The following YEATS4 variants were observed in gnomAD, a reference collection of about 807,000 sequenced individuals.
YEATS4 encodes the protein YEATS domain-containing protein 4.
YEATS4 carries 17 observed loss-of-function variants against 30.1 expected under a neutral mutation model. That is an observed-to-expected ratio of 0.56 (90% confidence interval 0.39 to 0.85). The LOEUF (loss-of-function observed/expected upper bound fraction) is 0.85. Among genes scored for constraint, YEATS4 ranks in the 40% least tolerant of loss-of-function variants. YEATS4 has a pLI of 0.00. For synonymous variants in YEATS4, 85 were observed against 87.5 expected, an observed-to-expected ratio of 0.97 and a Z score of 0.16; for missense variants, 142 against 268.3, an observed-to-expected ratio of 0.53 and a Z score of 3.29.
intron 6 of YEATS4, among the ~76,000 whole-genome samples, chr12:69,377,467 A>G (rs1875913095): frequency 1.3e-5 from 2 of 151,476 alleles, no homozygotes. Flanking sequence ...CGCTGTGTTT[A>G]CCAGGCTGGT....
chr12:69,363,120 G>A (rs1240092610), intron 2 of YEATS4, among the ~76,000 whole-genome samples: 3 of 150,818 alleles, frequency 2.0e-5, no homozygotes, highest in African/African-American at 7.3e-5. Context: ...AGCCTCCCGA[G>A]TAGCTGGGAC....
At chr12:69,361,774 C>T (rs1218582998) in intron 1 of YEATS4, among the ~76,000 whole-genome samples, 1 of 152,164 alleles carries the variant, frequency 6.6e-6, no homozygotes, top group Non-Finnish European at 1.5e-5. Context: ...TCTGTCAATA[C>T]GCACTGCCTT....
chr12:69,409,645 A>G, the YEATS4 span, among the ~76,000 whole-genome samples: 1 of 151,946 alleles, frequency 6.6e-6, no homozygotes, highest in African/African-American at 2.4e-5. Context: ...TATATATATT[A>G]ACATGCTTCT....
rs768231765 is a variant in YEATS4 at position 69,362,910 on chromosome 12, A to G, written c.171+3A>G. 2.4e-5 allele frequency: 37 copies of G among 1,513,094 alleles called. No homozygotes were observed. The highest frequency in any genetic ancestry group is 2.7e-6 in the Non-Finnish European group (3 of 1,125,994). The allele number at this position is 1,513,094 out of a possible 1,614,324, so 93.7% of individuals were successfully genotyped here. On this transcript the variant is annotated splice_donor_region_variant and intron_variant, in intron 2 of 6. Coordinates refer to ENST00000247843, the MANE Select transcript of YEATS4 (RefSeq NM_006530.4). ...ATGTGAAACCATATAGAAATGAGGTAGGCACTCGTTTTTTCTGTAACTGTT... is the reference window on the plus strand; with the variant it reads ...ATGTGAAACCATATAGAAATGAGGTGGGCACTCGTTTTTTCTGTAACTGTT...
chr12:69,407,157 T>C, the YEATS4 span, among the ~76,000 whole-genome samples: 2 of 148,762 alleles, frequency 1.3e-5, no homozygotes, highest in Non-Finnish European at 1.5e-5. Flanking sequence ...TTTTTTTTTC[T>C]AGAATCAAGA....
At chr12:69,389,450 CAAA>C (rs11333279) in intron 6 of YEATS4, among the ~76,000 whole-genome samples, 9 of 99,446 alleles carry the variant, frequency 9.1e-5, no homozygotes, top group Admixed American at 1.2e-4. Flanking sequence ...GACTCCATCT[CAAA>C]AAAAAAAAAA....
At chr12:69,374,471 G>C (rs1875765051) in intron 6 of YEATS4, among the ~76,000 whole-genome samples, 1 of 151,848 alleles carries the variant, frequency 6.6e-6, no homozygotes, top group Admixed American at 6.6e-5. Flanking sequence ...GGATTTGGCA[G>C]GATCATAGGA....
intron 6 of YEATS4, among the ~76,000 whole-genome samples, chr12:69,388,849 C>G (rs1592861611): frequency 6.6e-6 from 1 of 152,188 alleles, no homozygotes; most frequent in East Asian, 1.9e-4. Flanking sequence ...GTAATCCCAG[C>G]TGCTTGGGAA....
At chr12:69,381,477 C>T (rs1376940639) in intron 6 of YEATS4, among the ~76,000 whole-genome samples, 1 of 152,098 alleles carries the variant, frequency 6.6e-6, no homozygotes, top group Non-Finnish European at 1.5e-5. Context: ...GCAGTTAACG[C>T]AATCATCACA....
At chr12:69,389,046 T>C (rs1274743993) in intron 6 of YEATS4, among the ~76,000 whole-genome samples, 1 of 152,224 alleles carries the variant, frequency 6.6e-6, no homozygotes, top group Non-Finnish European at 1.5e-5. Context: ...TGAAATAGCT[T>C]ACAGTGTCAC....
At chr12:69,403,599 AG>A in the YEATS4 span, among the ~76,000 whole-genome samples, 2 of 151,810 alleles carry the variant, frequency 1.3e-5, no homozygotes, top group East Asian at 1.9e-4. Flanking sequence ...AAAGAAAAAA[AG>A]AGGGGGCAGA....
chr12:69,371,085 T>C (rs1011724766), intron 6 of YEATS4, 110 bp downstream of exon 6: 7 of 1,069,280 alleles, frequency 6.5e-6, no homozygotes, highest in East Asian at 2.6e-5. Context: ...GTAAGTTTTT[T>C]AGGTGTTAAA....
the YEATS4 span, among the ~76,000 whole-genome samples, chr12:69,405,187 C>G: frequency 3.9e-5 from 6 of 152,266 alleles, no homozygotes; most frequent in Admixed American, 6.5e-5. Flanking sequence ...TAGTTCCCAC[C>G]CTTATCTGTG....
At chr12:69,367,939 G>T (rs911941953) in intron 4 of YEATS4, among the ~76,000 whole-genome samples, 12 of 152,090 alleles carry the variant, frequency 7.9e-5, no homozygotes, top group South Asian at 2.1e-4. Flanking sequence ...CTTATCCCCA[G>T]TTGGAAAATA....
chr12:69,362,122 A>G (rs994654861), intron 1 of YEATS4, among the ~76,000 whole-genome samples: 3 of 149,118 alleles, frequency 2.0e-5, no homozygotes, highest in Non-Finnish European at 4.4e-5. Flanking sequence ...GGTTCAAGCA[A>G]TTCTCCTGCT....
Position 69,370,876 on chromosome 12 carries a change from T to G in YEATS4, c.427-12T>G. On this transcript the variant is annotated splice_polypyrimidine_tract_variant and intron_variant, in intron 5 of 6. Transcript: ENST00000247843. ...TGAAGTTATTGGGTTTTTGTTCATT[T>G]TATCCCATTAGATATTTCAAGACCC... 1 of 1,608,700 alleles carries G rather than the reference T, an allele frequency of 6.2e-7. No homozygotes were observed. Among genetic ancestry groups the G allele is most frequent in the Non-Finnish European group, 8.5e-7 (1 of 1,178,584 alleles).
At chr12:69,405,523 T>C in the YEATS4 span, among the ~76,000 whole-genome samples, 1 of 152,202 alleles carries the variant, frequency 6.6e-6, no homozygotes, top group Non-Finnish European at 1.5e-5. Context: ...CTTTGGCATA[T>C]TCAAATTGCC....
intron 4 of YEATS4, among the ~76,000 whole-genome samples, chr12:69,368,054 C>T (rs1875503194): frequency 6.6e-6 from 1 of 152,174 alleles, no homozygotes; most frequent in Non-Finnish European, 1.5e-5. Context: ...AGTGATTAAT[C>T]TGTTTAATAG....
chr12:69,417,876 A>G, the YEATS4 span, among the ~76,000 whole-genome samples: 3 of 146,582 alleles, frequency 2.0e-5, no homozygotes, highest in East Asian at 2.0e-4. Flanking sequence ...AAAAAAAAAA[A>G]GCAATAAAAG....
Sources: allele counts gnomAD v4.1 joint callset (sites outside exome capture counted in the v4.1 genomes callset), GRCh38; gene constraint gnomAD v4.1.1; transcripts MANE v1.5; gene names NCBI Gene and HGNC (gene_info 2026-07-23, HGNC 2026-07-21).